SOX5: variants seen among roughly 807,000 people sequenced by gnomAD.
SOX5 encodes the protein SRY-box transcription factor 5.
In SOX5, 9 loss-of-function variants were observed where a neutral mutation model predicts 92.0. That is an observed-to-expected ratio of 0.10 (90% confidence interval 0.06 to 0.17). The LOEUF (loss-of-function observed/expected upper bound fraction) is 0.17, where lower values mean the gene tolerates loss of function less well. Among genes scored for constraint, SOX5 ranks in the 10% least tolerant of loss-of-function variants. The pLI, the probability that SOX5 is intolerant of heterozygous loss-of-function variation, is 1.00. For missense variants in SOX5, 642 were observed against 944.5 expected (o/e 0.68, Z 4.20); for synonymous variants, 344 against 336.3 (o/e 1.02, Z -0.25).
intron 1 of SOX5, among the ~76,000 whole-genome samples, chr12:24,400,897 G>A (rs1961375163): frequency 6.6e-6 from 1 of 152,180 alleles, no homozygotes; most frequent in African/African-American, 2.4e-5. Context: ...ATAAGTGTTG[G>A]CACAGTATGG....
intron 1 of SOX5, among the ~76,000 whole-genome samples, chr12:23,947,356 A>G (rs1344437763): frequency 6.6e-6 from 1 of 151,924 alleles, no homozygotes; most frequent in Non-Finnish European, 1.5e-5. Flanking sequence ...GAAAAGGCAA[A>G]AAATCTAATT....
intron 1 of SOX5, among the ~76,000 whole-genome samples, 196 bp from the exon 2 acceptor site, chr12:23,896,220 TG>T (rs1766506257): frequency 6.6e-6 from 1 of 152,192 alleles, no homozygotes. Flanking sequence ...AGTGCTTGTT[TG>T]TTGTGAGAAT....
At chr12:23,845,866 T>A in intron 3 of SOX5, 117 bp downstream of exon 3, 1 of 805,878 alleles carries the variant, frequency 1.2e-6, no homozygotes, top group Non-Finnish European at 2.1e-6. Context: ...AGCAATAGGT[T>A]TCCATCTTGC....
rs772180105 is a variant in SOX5 at position 24,396,560 on chromosome 12, T to TAGCTCCTGCC, written c.-250-27931_-250-27922dup. ...GGTGCCGCATGGCAACAGCTCGCGC[T>TAGCTCCTGCC]AGCTCCTGCCAGCTCCTGCCTCCAC... On this transcript the variant is annotated intron_variant, in intron 1 of 4. Transcript: ENST00000446891. Among the ~76,000 whole-genome samples, 219 of 152,354 alleles carry TAGCTCCTGCC rather than the reference T, an allele frequency of 1.4e-3. 1 individual carries two copies. The highest frequency in any genetic ancestry group is 2.6e-3 in the Non-Finnish European group (180 of 68,032).
chr12:24,313,354 C>T (rs1328582963), intron 2 of SOX5, among the ~76,000 whole-genome samples: 1 of 151,834 alleles, frequency 6.6e-6, no homozygotes, highest in Non-Finnish European at 1.5e-5. Context: ...AGAGTGAGAC[C>T]CCATCTCTAT....
At chr12:23,903,961 A>G (rs1000306021) in intron 1 of SOX5, among the ~76,000 whole-genome samples, 5 of 152,260 alleles carry the variant, frequency 3.3e-5, no homozygotes, top group African/African-American at 1.2e-4. Flanking sequence ...TTTGATGCAT[A>G]AACAGAATTA....
At position 24,497,139 on chromosome 12, in the gene SOX5, C is replaced by T. The variant is rs367632000; in HGVS notation, c.-251+65190G>A. ...AATCTACAGCTAGGCTATGGTTTCT[C>T]ATATAATTTTACAGTTGAATCAATC... On this transcript the variant is annotated intron_variant, in intron 1 of 4. Coordinates refer to the SOX5 transcript ENST00000446891. 2.3e-4 allele frequency among the ~76,000 whole-genome samples: 35 copies of T among 152,284 alleles called. No individual in the cohort carries two copies. The South Asian group carries it at 7.2e-3, about 32-fold the overall frequency.
intron 4 of SOX5, among the ~76,000 whole-genome samples, chr12:24,036,138 CAATA>C (rs1956014045): frequency 6.6e-6 from 1 of 152,148 alleles, no homozygotes; most frequent in South Asian, 2.1e-4. Context: ...GCACCACTAA[CAATA>C]AGTTAGTTAG....
At chr12:23,598,809 G>A (rs979674452) in intron 9 of SOX5, among the ~76,000 whole-genome samples, 3 of 152,240 alleles carry the variant, frequency 2.0e-5, no homozygotes, top group African/African-American at 7.2e-5. Flanking sequence ...TGTATGTGCG[G>A]TTTGTATTCT....
At chr12:23,742,887 G>T (rs763123360) in intron 4 of SOX5, among the ~76,000 whole-genome samples, 10 of 151,946 alleles carry the variant, frequency 6.6e-5, no homozygotes, top group Non-Finnish European at 1.3e-4. Context: ...CCAGCTACTT[G>T]GTAGGCTGAG....
intron 4 of SOX5, among the ~76,000 whole-genome samples, chr12:24,195,896 G>A (rs575534397): frequency 2.8e-4 from 42 of 149,788 alleles, no homozygotes; most frequent in Middle Eastern, 3.4e-3. Context: ...GTCTGTGTGT[G>A]TGTTTTGAAA....
chr12:24,073,103 G>A (rs1942020971), intron 4 of SOX5, among the ~76,000 whole-genome samples: 1 of 152,044 alleles, frequency 6.6e-6, no homozygotes, highest in African/African-American at 2.4e-5. Context: ...ATTTAAAATT[G>A]TCAATGGTGC....
At chr12:23,601,927 A>G (rs576190408) in intron 9 of SOX5, among the ~76,000 whole-genome samples, 4 of 152,306 alleles carry the variant, frequency 2.6e-5, no homozygotes, top group African/African-American at 7.2e-5. Context: ...CTGAGCAAAG[A>G]AAGGGCATAT....
At chr12:23,757,084 T>C (rs1234876577) in intron 3 of SOX5, among the ~76,000 whole-genome samples, 2 of 151,870 alleles carry the variant, frequency 1.3e-5, no homozygotes, top group Non-Finnish European at 2.9e-5. Context: ...GAAAATAAAA[T>C]GGTGAAAAGC....
At chr12:23,699,980 TA>T (rs533927892) in intron 6 of SOX5, among the ~76,000 whole-genome samples, 1 of 152,098 alleles carries the variant, frequency 6.6e-6, no homozygotes, top group Non-Finnish European at 1.5e-5. Context: ...CTCTGTTTTA[TA>T]AAAAAACATG....
rs1430512030 is a variant in SOX5 at position 23,766,337 on chromosome 12, T to C, written c.482-10613A>G. ...ATCAATTAGTTCAACATACAGTATA[T>C]ACTACATATTTTTCCAGCCATGAAG... On this transcript the variant is annotated intron_variant, in intron 3 of 14. Coordinates refer to ENST00000451604, the MANE Select transcript of SOX5 (RefSeq NM_006940.6). 2.6e-5 allele frequency among the ~76,000 whole-genome samples: 4 copies of C among 152,092 alleles called. No homozygotes were observed. In the East Asian group the frequency reaches 5.8e-4, roughly 22 times the overall value.
chr12:24,156,024 T>C (rs1242485031), intron 4 of SOX5, among the ~76,000 whole-genome samples: 1 of 152,162 alleles, frequency 6.6e-6, no homozygotes, highest in Non-Finnish European at 1.5e-5. Flanking sequence ...AGCACCCAAC[T>C]CCCAGTGGCT....
chr12:23,902,189 A>G (rs2097241533), intron 1 of SOX5, among the ~76,000 whole-genome samples: 1 of 152,150 alleles, frequency 6.6e-6, no homozygotes, highest in South Asian at 2.1e-4. Context: ...TCTTTGGTAC[A>G]ATTATTCTGG....
intron 1 of SOX5, among the ~76,000 whole-genome samples, chr12:24,385,926 CAA>C (rs35813329): frequency 9.5e-5 from 7 of 73,394 alleles, no homozygotes; most frequent in East Asian, 7.6e-4. Flanking sequence ...GACCTTGTCA[CAA>C]AAAAAAAAAA....
Sources: allele counts gnomAD v4.1 joint callset (sites outside exome capture counted in the v4.1 genomes callset), GRCh38; gene constraint gnomAD v4.1.1; transcripts MANE v1.5; gene names NCBI Gene and HGNC (gene_info 2026-07-23, HGNC 2026-07-21).